SIM2: variants seen among roughly 807,000 people sequenced by gnomAD.
SIM2 encodes the protein single-minded homolog 2.
Under a neutral mutation model 64.8 loss-of-function variants are expected in SIM2, and 28 were observed. The observed-to-expected ratio is 0.43, with a 90% CI of 0.32 to 0.59. The LOEUF (loss-of-function observed/expected upper bound fraction) is 0.59, where lower values mean the gene tolerates loss of function less well. Among genes scored for constraint, SIM2 ranks in the 20% least tolerant of loss-of-function variants. SIM2 has a pLI of 0.07. For missense variants in SIM2, 847 were observed against 871.4 expected, an observed-to-expected ratio of 0.97 and a Z score of 0.35; for synonymous variants, 408 against 391.1, an observed-to-expected ratio of 1.04 and a Z score of -0.51.
chr21:36,704,858 G>T (rs753575166), intron 1 of SIM2, among the ~76,000 whole-genome samples: 1 of 152,176 alleles, frequency 6.6e-6, no homozygotes, highest in Non-Finnish European at 1.5e-5. Context: ...CTTCTCACCC[G>T]GTCCCCAGTT....
intron 4 of SIM2, chr21:36,720,522 A>C (rs1029068340): frequency 6.6e-6 from 1 of 152,416 alleles, no homozygotes; most frequent in African/African-American, 2.4e-5. Flanking sequence ...AAATTTCAGG[A>C]GTTCTAAGAC....
intron 3 of SIM2, among the ~76,000 whole-genome samples, chr21:36,717,486 C>A (rs1160396452): frequency 1.5e-5 from 2 of 135,632 alleles, no homozygotes; most frequent in Non-Finnish European, 3.1e-5. Flanking sequence ...CTTGCTCTGT[C>A]GCCCAGGCTG....
At position 36,722,661 on chromosome 21, in the gene SIM2, T is replaced by C. The variant is rs117664388; in HGVS notation, c.458-384T>C. On this transcript the variant is annotated intron_variant, in intron 4 of 10. Transcript: ENST00000290399. ...GGGGCTAGAAATGAGGGTGAAAGCA[T>C]GGATCTGCCAAGCCTTGGGTCACAC... Among the ~76,000 whole-genome samples the C allele has an allele frequency of 1.8e-3, 271 of 152,250 alleles. 1 individual carries two copies. The highest frequency in any genetic ancestry group is 3.2e-3 in the Non-Finnish European group (221 of 68,008).
intron 7 of SIM2, among the ~76,000 whole-genome samples, chr21:36,732,783 C>T (rs758958961): frequency 2.0e-5 from 3 of 152,194 alleles, no homozygotes; most frequent in Non-Finnish European, 4.4e-5. Context: ...AATATGGGAG[C>T]TAGAAAGTTT....
At position 36,740,059 on chromosome 21, in the gene SIM2, G is replaced by GAAAGAAAGAA. The variant is rs1181460821; in HGVS notation, c.851-1657_851-1656insAAGAAAGAAA. 2.7e-3 allele frequency among the ~76,000 whole-genome samples: 367 copies of GAAAGAAAGAA among 136,330 alleles called. 4 individuals carry two copies. The highest frequency in any genetic ancestry group is 9.1e-3 in the African/African-American group (338 of 37,122). 89.4% of individuals were successfully genotyped at this position (136,330 alleles called of 152,430 possible). A position where few individuals can be genotyped will look rare whatever the true frequency, so the allele number is the denominator to read the frequency against. ...AGAAAGAAAGAAAGAAAGAAAGAAAGAGAAAATGCCACTCACCATAGATTA... is the reference window on the plus strand; with the variant it reads ...AGAAAGAAAGAAAGAAAGAAAGAAAGAAAGAAAGAAAGAAAATGCCACTCACCATAGATTA... On this transcript the variant is annotated intron_variant, in intron 7 of 10. Transcript: ENST00000290399.
At chr21:36,738,954 T>G (rs1311297203) in intron 7 of SIM2, among the ~76,000 whole-genome samples, 2 of 152,212 alleles carry the variant, frequency 1.3e-5, no homozygotes, top group African/African-American at 4.8e-5. Context: ...TACGCAACAC[T>G]GCCTCATGTC....
chr21:36,700,557 T>G (rs1384715192), intron 1 of SIM2, among the ~76,000 whole-genome samples: 1 of 152,172 alleles, frequency 6.6e-6, no homozygotes, highest in Non-Finnish European at 1.5e-5. Flanking sequence ...ATTCCCTTTA[T>G]TTTTCCTTCA....
At chr21:36,743,576 T>C (rs2089192144) in intron 9 of SIM2, 21 bp downstream of exon 9, 5 of 1,608,226 alleles carry the variant, frequency 3.1e-6, no homozygotes, top group Admixed American at 3.4e-5. Context: ...TGTCCTGCAG[T>C]TTTGGGGTGC....
chr21:36,743,615 C>T, intron 9 of SIM2, 60 bp downstream of exon 9: 4 of 1,484,060 alleles, frequency 2.7e-6, no homozygotes, highest in Non-Finnish European at 3.7e-6. Flanking sequence ...TTCGGGACAC[C>T]TGGACACATT....
intron 7 of SIM2, among the ~76,000 whole-genome samples, chr21:36,740,009 GAGAA>G (rs71840582): frequency 0.14 from 18,788 of 130,968 alleles, 1,372 homozygotes; most frequent in Middle Eastern, 0.18. Context: ...GAAAGAAAGA[GAGAA>G]AGAAAGAAAG....
chr21:36,740,773 C>G (rs2089149675), intron 7 of SIM2, among the ~76,000 whole-genome samples: 1 of 152,232 alleles, frequency 6.6e-6, no homozygotes, highest in African/African-American at 2.4e-5. Flanking sequence ...CAGTCACAGA[C>G]TCAGCCCCTT....
chr21:36,748,151 G>A lies in SIM2; in HGVS notation c.*59G>A, dbSNP rs1359800507. ...GGCCTCCCGGGGCTGCGGCGCCACC[G>A]AGCCCGGCAAATGCGCACGACCTAC... On this transcript the variant is annotated 3_prime_UTR_variant, in exon 11 of 11. Coordinates refer to ENST00000290399, the MANE Select transcript of SIM2 (RefSeq NM_005069.6). 1.1e-6 allele frequency: 1 copy of A among 937,562 alleles called. No homozygotes were observed. Among genetic ancestry groups the A allele is most frequent in the Non-Finnish European group, 1.3e-6 (1 of 748,446 alleles). The allele number at this position is 937,562 out of a possible 1,614,324, so 58.1% of individuals were successfully genotyped here. A position where few individuals can be genotyped will look rare whatever the true frequency, so the allele number is the denominator to read the frequency against.
chr21:36,699,762 A>G lies in SIM2; in HGVS notation c.16A>G (p.Lys6Glu). Residue 6 changes from lysine (K) to glutamate (E), a missense_variant, in exon 1 of 11, where the codon AAG becomes GAG. Lys to Glu is a moderately conservative substitution (Grantham distance 56, BLOSUM62 1). This residue lies in a region of SIM2 where 397 missense variants were observed against 439.2 expected (regional missense o/e 0.90). Transcript: ENST00000290399. This position sits in a 1 kb window ranked among gnomAD's most constrained non-coding sequence, Gnocchi z 5.6. Reference sequence around the variant, plus strand: ...CCGAGGCGCGATGAAGGAGAAGTCCAAGAATGCGGCCAAGACCAGGAGGGA... The same window carrying G: ...CCGAGGCGCGATGAAGGAGAAGTCCGAGAATGCGGCCAAGACCAGGAGGGA... MKEKS[K>E]NAAKTRREKE... 1.2e-6 allele frequency: 2 copies of G among 1,612,772 alleles called. No homozygotes were observed. Among genetic ancestry groups the G allele is most frequent in the Admixed American group, 1.7e-5 (1 of 59,964 alleles).
rs750059338 is a variant in SIM2, at chr21:36,741,782, T to C, written c.916T>C (p.Trp306Arg). The change falls in exon 8 of 11, where the codon TGG (tryptophan) becomes CGG (arginine). Residue 306 changes from tryptophan to arginine, a missense_variant. Physicochemically the swap from Trp to Arg is moderately radical, Grantham distance 101. This residue lies in a region of SIM2 where 397 missense variants were observed against 439.2 expected (regional missense o/e 0.90). Coordinates refer to ENST00000290399, the MANE Select transcript of SIM2 (RefSeq NM_005069.6). The part of the protein sequence containing the change: ...RLLSKRGGWV[W>R]VQSYATVVHN... ...GCTGTCCAAGCGGGGCGGCTGGGTG[T>C]GGGTGCAGAGCTACGCCACCGTGGT... 1 of 1,612,968 alleles carries C rather than the reference T, an allele frequency of 6.2e-7. No individual in the cohort carries two copies. The highest frequency in any genetic ancestry group is 1.7e-5 in the Admixed American group (1 of 59,966).
Position 36,718,301 on chromosome 21 carries a change from C to G in SIM2, c.349-1520C>G, listed in dbSNP as rs1213696612. 2.0e-5 allele frequency among the ~76,000 whole-genome samples: 3 copies of G among 152,214 alleles called. No homozygotes were observed. In the East Asian group the frequency reaches 5.8e-4, roughly 29 times the overall value. ...AAAAGCTGATGGCCTAGATGCTAAT[C>G]TGGAACTGCAACTCCCAGAACTTCT... On this transcript the variant is annotated intron_variant, in intron 3 of 10. Coordinates refer to ENST00000290399, the MANE Select transcript of SIM2 (RefSeq NM_005069.6).
chr21:36,731,787 C>T (rs146744689), intron 7 of SIM2, among the ~76,000 whole-genome samples: 8 of 152,204 alleles, frequency 5.3e-5, no homozygotes, highest in South Asian at 4.1e-4. Flanking sequence ...GATTTGCCAA[C>T]GGAGGCGGTT....
At chr21:36,706,351 G>T (rs1601685445) in intron 1 of SIM2, among the ~76,000 whole-genome samples, 1 of 152,220 alleles carries the variant, frequency 6.6e-6, no homozygotes, top group South Asian at 2.1e-4. Flanking sequence ...GGGGTGCAGG[G>T]AGCTCCCCTC....
At position 36,745,288 on chromosome 21, in the gene SIM2, T is replaced by C. The variant is rs1301591609; in HGVS notation, c.1576+152T>C. ...CTTCTAAGTAGGGCTTGCTGTGCTT[T>C]CTTGCTCTCAATGCAGGTGCTCCTC... On this transcript the variant is annotated intron_variant, in intron 10 of 10. Coordinates refer to ENST00000290399, the MANE Select transcript of SIM2 (RefSeq NM_005069.6). This position sits in a 1 kb window ranked among gnomAD's most constrained non-coding sequence, Gnocchi z 4.8. The C allele has an allele frequency of 2.7e-6, 4 of 1,455,390 alleles. No individual in the cohort carries two copies. The highest frequency in any genetic ancestry group is 3.6e-6 in the Non-Finnish European group (4 of 1,101,172). The allele number at this position is 1,455,390 out of a possible 1,614,324, so 90.2% of individuals were successfully genotyped here. A position where few individuals can be genotyped will look rare whatever the true frequency, so the allele number is the denominator to read the frequency against.
chr21:36,737,121 G>T (rs550968468), intron 7 of SIM2, among the ~76,000 whole-genome samples: 1 of 152,222 alleles, frequency 6.6e-6, no homozygotes, highest in East Asian at 1.9e-4. Flanking sequence ...TAAAGATGGG[G>T]TCTTGCTATG....
Sources: gnomAD v4.1 joint callset for allele counts (sites outside exome capture counted in the v4.1 genomes callset) on GRCh38, gnomAD v4.1.1 for gene constraint, gnomAD v4.1.1 regional missense constraint, Gnocchi (gnomAD v3.1) non-coding constraint, MANE v1.5 for transcripts, NCBI Gene and HGNC (gene_info 2026-07-23, HGNC 2026-07-21) for gene names.